The following KANK1 variants were observed in gnomAD, a reference collection of about 807,000 sequenced individuals.
The protein encoded by KANK1 is KN motif and ankyrin repeat domain-containing protein 1.
KANK1 carries 109 observed loss-of-function variants against 106.2 expected under a neutral mutation model. That is an observed-to-expected ratio of 1.03 (90% CI 0.88 to 1.20). KANK1 has a LOEUF of 1.20. Among genes scored for constraint, KANK1 ranks in the 50% most tolerant of loss-of-function variants. The pLI, the probability that KANK1 is intolerant of heterozygous loss-of-function variation, is 0.00. For synonymous variants in KANK1, 873 were observed against 652.2 expected, an observed-to-expected ratio of 1.34 and a Z score of -5.16; for missense variants, 2,399 against 1,710.7, an observed-to-expected ratio of 1.40 and a Z score of -7.10.
intron 1 of KANK1, among the ~76,000 whole-genome samples, chr9:619,306 TTATC>T (rs1233542988): frequency 2.6e-5 from 4 of 152,188 alleles, no homozygotes; most frequent in Admixed American, 1.3e-4. Flanking sequence ...ACTGTTTAGT[TTATC>T]TAGTTGGGTA....
At chr9:642,498 A>G (rs1021151709) in intron 1 of KANK1, among the ~76,000 whole-genome samples, 1 of 151,034 alleles carries the variant, frequency 6.6e-6, no homozygotes, top group Admixed American at 6.6e-5. Flanking sequence ...GATTTTGCTA[A>G]TCTTGGTAGT....
At chr9:551,901 C>A (rs986317989) in intron 1 of KANK1, among the ~76,000 whole-genome samples, 12 of 149,608 alleles carry the variant, frequency 8.0e-5, no homozygotes, top group Admixed American at 2.0e-4. Context: ...AAAAAAAAAT[C>A]AAAAATTAGC....
chr9:546,209 A>G (rs2060921719), intron 1 of KANK1, among the ~76,000 whole-genome samples: 2 of 152,238 alleles, frequency 1.3e-5, no homozygotes, highest in East Asian at 3.9e-4. Flanking sequence ...GTGGTGGCCT[A>G]GGATATATCT....
At chr9:651,246 G>A (rs1226766445) in intron 1 of KANK1, among the ~76,000 whole-genome samples, 1 of 152,154 alleles carries the variant, frequency 6.6e-6, no homozygotes, top group Non-Finnish European at 1.5e-5. Flanking sequence ...CAAGTGGTGT[G>A]TTAATACATG....
chr9:493,178 T>C lies in KANK1; in HGVS notation c.-362+19905T>C, dbSNP rs924271464. On this transcript the variant is annotated intron_variant, in intron 3 of 15. Coordinates refer to the KANK1 transcript ENST00000382303. ...AGAATATGGCAGAAGTGATGGTATG[T>C]CACTTCTGAGATTCGGTTATAAAAG... 2.5e-4 allele frequency among the ~76,000 whole-genome samples: 38 copies of C among 152,180 alleles called. 1 individual carries two copies. Among genetic ancestry groups the C allele is most frequent in the Admixed American group, 2.3e-3 (35 of 15,274 alleles).
At chr9:536,676 C>T (rs749154278) in intron 1 of KANK1, among the ~76,000 whole-genome samples, 2 of 152,226 alleles carry the variant, frequency 1.3e-5, no homozygotes, top group Non-Finnish European at 2.9e-5. Flanking sequence ...TTGGGTCCAT[C>T]TAGATAATCC....
intron 1 of KANK1, among the ~76,000 whole-genome samples, chr9:639,443 A>G (rs1029213723): frequency 1.3e-5 from 2 of 151,912 alleles, no homozygotes; most frequent in African/African-American, 4.8e-5. Context: ...CAGCCTCCCA[A>G]GTAGCTGGGA....
chr9:590,639 G>T (rs906162215), intron 1 of KANK1, among the ~76,000 whole-genome samples: 37 of 115,144 alleles, frequency 3.2e-4, no homozygotes, highest in African/African-American at 1.0e-3. Context: ...TTCTTCCGGA[G>T]ATTTTTTTTT....
Position 578,413 on chromosome 9 carries a change from G to A in KANK1, c.-84+73659G>A, listed in dbSNP as rs549367818. 6.6e-5 allele frequency among the ~76,000 whole-genome samples: 10 copies of A among 151,940 alleles called. No individual in the cohort carries two copies. In the South Asian group the frequency reaches 2.1e-3, roughly 32 times the overall value. On this transcript the variant is annotated intron_variant, in intron 1 of 11. Transcript: ENST00000382297. ...ATATATTAGCAACATTGTTGACATGGACCACAGACAATTAAATGTTTCATT... is the reference window on the plus strand; with the variant it reads ...ATATATTAGCAACATTGTTGACATGAACCACAGACAATTAAATGTTTCATT...
At chr9:577,420 A>G (rs1027109131) in intron 1 of KANK1, among the ~76,000 whole-genome samples, 11 of 152,110 alleles carry the variant, frequency 7.2e-5, no homozygotes, top group African/African-American at 2.7e-4. Context: ...CAGAGCGCTG[A>G]TTGGTGCGTT....
intron 1 of KANK1, among the ~76,000 whole-genome samples, chr9:654,874 T>C (rs1841776380): frequency 6.6e-6 from 1 of 151,838 alleles, no homozygotes; most frequent in Non-Finnish European, 1.5e-5. Context: ...AAAAGAAATG[T>C]GGTTTTCTGC....
At chr9:682,379 T>A (rs1817736375) in intron 2 of KANK1, among the ~76,000 whole-genome samples, 2 of 152,142 alleles carry the variant, frequency 1.3e-5, no homozygotes, top group Non-Finnish European at 2.9e-5. Context: ...TAGGTCTTAT[T>A]TTTAGTATTT....
intron 1 of KANK1, among the ~76,000 whole-genome samples, chr9:577,059 C>T (rs1339576395): frequency 1.3e-5 from 2 of 152,150 alleles, no homozygotes; most frequent in East Asian, 1.9e-4. Context: ...AGTGAATCTG[C>T]AGACCTTTGC....
chr9:508,483 T>G (rs773064650), intron 1 of KANK1, among the ~76,000 whole-genome samples: 3 of 152,178 alleles, frequency 2.0e-5, no homozygotes, highest in Non-Finnish European at 4.4e-5. Flanking sequence ...TGTCACAAAG[T>G]GAACATAAAC....
intron 1 of KANK1, among the ~76,000 whole-genome samples, chr9:604,959 T>C (rs1259926748): frequency 1.3e-5 from 2 of 151,924 alleles, no homozygotes; most frequent in Non-Finnish European, 2.9e-5. Flanking sequence ...AATGGACTAA[T>C]GCAATTGGGC....
intron 3 of KANK1, among the ~76,000 whole-genome samples, chr9:496,953 A>G (rs149787838): frequency 6.6e-6 from 1 of 152,348 alleles, no homozygotes; most frequent in African/African-American, 2.4e-5. Context: ...TATAATAATT[A>G]TAATTATGAA....
At chr9:629,004 C>T (rs925231745) in intron 1 of KANK1, among the ~76,000 whole-genome samples, 13 of 149,324 alleles carry the variant, frequency 8.7e-5, no homozygotes, top group Non-Finnish European at 1.8e-4. Flanking sequence ...CACTTGAACC[C>T]AGGAGGTGAG....
chr9:605,916 A>T (rs1200035772), intron 1 of KANK1, among the ~76,000 whole-genome samples: 2 of 151,672 alleles, frequency 1.3e-5, no homozygotes, highest in African/African-American at 4.9e-5. Flanking sequence ...ATTTGAGGGG[A>T]AGGCCGGGTC....
chr9:482,153 C>T (rs576840742), intron 3 of KANK1, among the ~76,000 whole-genome samples: 9 of 152,306 alleles, frequency 5.9e-5, no homozygotes, highest in South Asian at 2.1e-4. Flanking sequence ...CCCTTGTATT[C>T]GCCTGGTACA....
Sources: allele counts gnomAD v4.1 joint callset (sites outside exome capture counted in the v4.1 genomes callset), GRCh38; gene constraint gnomAD v4.1.1; transcripts MANE v1.5; gene names NCBI Gene and HGNC (gene_info 2026-07-23, HGNC 2026-07-21).